PNOC: variants seen among roughly 807,000 people sequenced by gnomAD.
PNOC encodes the protein prepronociceptin.
In PNOC, 10 loss-of-function variants were observed where a neutral mutation model predicts 15.6. The ratio of observed to expected loss-of-function variants is 0.64; its 90% CI spans 0.40 to 1.09. PNOC has a LOEUF of 1.09. Ranked by LOEUF, PNOC falls within the 50% of genes least tolerant of loss-of-function variation. PNOC has a pLI of 0.01. For missense variants in PNOC, 220 were observed against 223.9 expected, an observed-to-expected ratio of 0.98 and a Z score of 0.11; for synonymous variants, 98 against 88.5, an observed-to-expected ratio of 1.11 and a Z score of -0.60.
Position 28,343,305 on chromosome 8 carries a change from T to C in PNOC, c.*411T>C, listed in dbSNP as rs1027031977. On this transcript the variant is annotated 3_prime_UTR_variant, in exon 4 of 4. Transcript: ENST00000301908. ...AGAGCTGTTCTTTTTGACTGATTGT[T>C]TTAAACAACGATTTCTCCATTAAAC... is the stretch of plus-strand genomic sequence containing the variant. 1.3e-5 allele frequency: 2 copies of C among 152,710 alleles called. No individual in the cohort carries two copies. The highest frequency in any genetic ancestry group is 1.3e-4 in the Admixed American group (2 of 15,284). 9.5% of individuals were successfully genotyped at this position (152,710 alleles called of 1,614,324 possible).
chr8:28,324,885 A>G (rs1801200601), intron 1 of PNOC, among the ~76,000 whole-genome samples: 1 of 152,142 alleles, frequency 6.6e-6, no homozygotes, highest in Non-Finnish European at 1.5e-5. Context: ...AGAGTGTTAG[A>G]GTGAATGCTG....
At chr8:28,335,760 C>A (rs1016617372) in intron 2 of PNOC, among the ~76,000 whole-genome samples, 1 of 152,056 alleles carries the variant, frequency 6.6e-6, no homozygotes, top group Non-Finnish European at 1.5e-5. Flanking sequence ...AACTCCCAAC[C>A]TCAGATGATC....
At chr8:28,327,447 G>A (rs1801242454) in intron 1 of PNOC, among the ~76,000 whole-genome samples, 1 of 152,184 alleles carries the variant, frequency 6.6e-6, no homozygotes, top group South Asian at 2.1e-4. Context: ...CCTGTGCTTG[G>A]CCTGGAATGC....
At chr8:28,320,499 T>C (rs1384780767) in intron 1 of PNOC, among the ~76,000 whole-genome samples, 1 of 152,172 alleles carries the variant, frequency 6.6e-6, no homozygotes, top group African/African-American at 2.4e-5. Flanking sequence ...TTATAATGTA[T>C]GTAACTTATA....
chr8:28,323,510 C>T (rs1201300137), intron 1 of PNOC, among the ~76,000 whole-genome samples: 1 of 152,196 alleles, frequency 6.6e-6, no homozygotes, highest in Non-Finnish European at 1.5e-5. Flanking sequence ...TGCACACAGT[C>T]CCACCGTTAC....
chr8:28,325,925 T>C (rs1196717501), intron 1 of PNOC, among the ~76,000 whole-genome samples: 1 of 152,150 alleles, frequency 6.6e-6, no homozygotes, highest in Non-Finnish European at 1.5e-5. Flanking sequence ...GCTATTACAA[T>C]AACCAAGGCA....
chr8:28,319,390 T>C (rs1472923560), intron 1 of PNOC, among the ~76,000 whole-genome samples: 2 of 152,120 alleles, frequency 1.3e-5, no homozygotes, highest in African/African-American at 2.4e-5. Context: ...GAGCAAGTGC[T>C]AGAAGAATTC....
intron 1 of PNOC, among the ~76,000 whole-genome samples, chr8:28,324,515 C>T (rs532859163): frequency 7.2e-5 from 11 of 152,126 alleles, no homozygotes; most frequent in South Asian, 2.1e-4. Context: ...GGCACAGCCA[C>T]GCTGTTTGGA....
At position 28,327,141 on chromosome 8, in the gene PNOC, G is replaced by A. The variant is rs77031666; in HGVS notation, c.-23-1994G>A. The stretch of plus-strand genomic sequence containing the variant: ...TTTTGGCAAATGGATACACCCCTGC[G>A]ACTTCAGTCAAGAACATTTACATTT... On this transcript the variant is annotated intron_variant, in intron 1 of 3. Coordinates refer to ENST00000301908, the MANE Select transcript of PNOC (RefSeq NM_006228.5). Among the ~76,000 whole-genome samples the A allele has an allele frequency of 1.4e-3, 218 of 152,304 alleles. 5 individuals are homozygous for A. The East Asian group carries it at 0.037, about 26-fold the overall frequency.
chr8:28,326,150 G>A (rs1414417815), intron 1 of PNOC, among the ~76,000 whole-genome samples: 4 of 151,872 alleles, frequency 2.6e-5, no homozygotes, highest in South Asian at 2.1e-4. Flanking sequence ...CCAGGAGTTC[G>A]AGACCAGCCT....
rs147481440 is a variant in PNOC at position 28,331,761 on chromosome 8, G to T, written c.126+2478G>T. On this transcript the variant is annotated intron_variant, in intron 2 of 3. Transcript: ENST00000301908. ...CTGATTCTCCACCCACCCCAGTGGA[G>T]TGGGCCCTCCTTCCTCATGTTCTGA... is the stretch of plus-strand genomic sequence containing the variant. Among the ~76,000 whole-genome samples, 393 of 152,326 alleles carry T rather than the reference G, an allele frequency of 2.6e-3. 3 individuals carry two copies. Among genetic ancestry groups the T allele is most frequent in the Non-Finnish European group, 4.7e-3 (317 of 68,042 alleles).
chr8:28,330,400 T>TTTTTTTTTA (rs1801309310), intron 2 of PNOC, among the ~76,000 whole-genome samples: 130 of 102,250 alleles, frequency 1.3e-3, no homozygotes, highest in Non-Finnish European at 2.2e-3. Context: ...TATTTTATTT[T>TTTTTTTTTA]TTTTTTTTTT....
chr8:28,324,128 A>G (rs1391379684), intron 1 of PNOC, among the ~76,000 whole-genome samples: 1 of 152,220 alleles, frequency 6.6e-6, no homozygotes, highest in Non-Finnish European at 1.5e-5. Flanking sequence ...GACACTCAAC[A>G]AGGTCTCCCT....
At chr8:28,336,341 G>T (rs1364271113) in intron 2 of PNOC, among the ~76,000 whole-genome samples, 1 of 152,226 alleles carries the variant, frequency 6.6e-6, no homozygotes, top group African/African-American at 2.4e-5. Context: ...GGAATACAAA[G>T]TTCTGTGGGA....
At chr8:28,324,026 A>C (rs1801186461) in intron 1 of PNOC, among the ~76,000 whole-genome samples, 1 of 152,202 alleles carries the variant, frequency 6.6e-6, no homozygotes, top group South Asian at 2.1e-4. Context: ...GTCAATTGTT[A>C]AAAGTGAGGG....
intron 2 of PNOC, among the ~76,000 whole-genome samples, chr8:28,337,998 G>C (rs1328301483): frequency 6.6e-6 from 1 of 152,180 alleles, no homozygotes; most frequent in Non-Finnish European, 1.5e-5. Flanking sequence ...AGGAGAAGGG[G>C]AGATGAATAC....
rs974131060 is a variant in PNOC, at chr8:28,342,927, T to C, written c.*48-15T>C. The C allele has an allele frequency of 2.9e-5, 28 of 979,026 alleles. No homozygotes were observed. The highest frequency in any genetic ancestry group is 3.2e-5 in the Non-Finnish European group (26 of 824,172). The allele number at this position is 979,026 out of a possible 1,614,324, so 60.6% of individuals were successfully genotyped here. A position where few individuals can be genotyped will look rare whatever the true frequency, so the allele number is the denominator to read the frequency against. ...CATCAGGTTTGCCATTTTTTAACCATTTCTGTCTCCCCAGGCGTCCAGGTG... is the reference window on the plus strand; with the variant it reads ...CATCAGGTTTGCCATTTTTTAACCACTTCTGTCTCCCCAGGCGTCCAGGTG... On this transcript the variant is annotated splice_polypyrimidine_tract_variant and intron_variant, in intron 3 of 3. Coordinates refer to ENST00000301908, the MANE Select transcript of PNOC (RefSeq NM_006228.5).
At chr8:28,322,077 G>A (rs888279783) in intron 1 of PNOC, among the ~76,000 whole-genome samples, 5 of 152,106 alleles carry the variant, frequency 3.3e-5, no homozygotes, top group African/African-American at 1.2e-4. Flanking sequence ...GTGGACTGGA[G>A]AGAAGCCACC....
chr8:28,324,239 C>A (rs1000672155), intron 1 of PNOC, among the ~76,000 whole-genome samples: 1 of 152,160 alleles, frequency 6.6e-6, no homozygotes, highest in East Asian at 1.9e-4. Context: ...TATACCTCGC[C>A]CTTAAATCCC....
Sources: gnomAD v4.1 joint callset for allele counts (sites outside exome capture counted in the v4.1 genomes callset) on GRCh38, gnomAD v4.1.1 for gene constraint, MANE v1.5 for transcripts, NCBI Gene and HGNC (gene_info 2026-07-23, HGNC 2026-07-21) for gene names.